SENP6: variants seen among roughly 807,000 people sequenced by gnomAD.
SENP6 encodes SUMO specific peptidase 6.
Under a neutral mutation model 134.5 loss-of-function variants are expected in SENP6, and 41 were observed. That is an observed-to-expected ratio of 0.30 (90% CI 0.24 to 0.40). The LOEUF (loss-of-function observed/expected upper bound fraction) is 0.40, where lower values mean the gene tolerates loss of function less well. Ranked by LOEUF, SENP6 falls within the 10% of genes least tolerant of loss-of-function variation. SENP6 has a pLI of 1.00. For missense variants in SENP6, 1,248 were observed against 1,312.5 expected (o/e 0.95, Z 0.76); for synonymous variants, 395 against 429.8 (o/e 0.92, Z 1.00).
intron 6 of SENP6, among the ~76,000 whole-genome samples, chr6:75,646,068 T>G (rs1770413634): frequency 1.3e-5 from 2 of 152,232 alleles, no homozygotes; most frequent in Non-Finnish European, 2.9e-5. Flanking sequence ...CTCAGATGAT[T>G]TATGTCAATT....
chr6:75,646,535 A>G (rs1770452570), intron 6 of SENP6: 1 of 152,210 alleles, frequency 6.6e-6, no homozygotes, highest in Admixed American at 6.5e-5. Context: ...TCTGACTGCT[A>G]TTATAAGTAC....
intron 3 of SENP6, among the ~76,000 whole-genome samples, chr6:75,626,865 G>A (rs1768733626): frequency 6.6e-6 from 1 of 152,032 alleles, no homozygotes; most frequent in Non-Finnish European, 1.5e-5. Flanking sequence ...TACAGTGTAA[G>A]AATTTAAACA....
At chr6:75,645,011 A>T (rs979212846) in intron 6 of SENP6, among the ~76,000 whole-genome samples, 3 of 152,248 alleles carry the variant, frequency 2.0e-5, no homozygotes, top group Admixed American at 6.5e-5. Context: ...TGAACAGAGC[A>T]TTCTGATGTT....
chr6:75,693,628 T>TGGC (rs1056877527), intron 16 of SENP6, among the ~76,000 whole-genome samples: 4 of 152,192 alleles, frequency 2.6e-5, no homozygotes, highest in African/African-American at 9.7e-5. Flanking sequence ...CTGAGTTGCC[T>TGGC]GAAAGCAAGA....
In SENP6 at chr6:75,602,504, A is replaced by T. The variant is rs1239288093; in HGVS notation, c.-21A>T. On this transcript the variant is annotated 5_prime_UTR_variant, in exon 1 of 24. Coordinates refer to ENST00000447266, the MANE Select transcript of SENP6 (RefSeq NM_015571.4). ...CGGTGTGGGCCATGGATTAAGAAGG[A>T]GGCGGCGTGGGAGGAGGAAGATGGC... The T allele has an allele frequency of 6.4e-7, 1 of 1,550,976 alleles. No individual in the cohort carries two copies.
chr6:75,640,899 G>A (rs1328194066), intron 6 of SENP6, among the ~76,000 whole-genome samples, 195 bp downstream of exon 6: 1 of 152,082 alleles, frequency 6.6e-6, no homozygotes, highest in Non-Finnish European at 1.5e-5. Flanking sequence ...TATACAATGT[G>A]TATGATCAGA....
At chr6:75,632,327 G>A (rs1279095526) in intron 3 of SENP6, among the ~76,000 whole-genome samples, 1 of 152,096 alleles carries the variant, frequency 6.6e-6, no homozygotes, top group African/African-American at 2.4e-5. Context: ...CGATAAAGGG[G>A]GACTACTATG....
In SENP6 at chr6:75,674,656, A is replaced by T. The variant is rs139931880; in HGVS notation, c.1393-779A>T. Among the ~76,000 whole-genome samples, 231 of 152,318 alleles carry T rather than the reference A, an allele frequency of 1.5e-3. 1 individual carries two copies. The highest frequency in any genetic ancestry group is 6.8e-3 in the Middle Eastern group (2 of 294). On this transcript the variant is annotated intron_variant, in intron 11 of 23. Transcript: ENST00000447266. Reference sequence around the variant, plus strand: ...CAAATAATTTGTTATTTCCCAGAGAAACCAGTTAACACATTCCTTTCAGAT... The same window carrying T: ...CAAATAATTTGTTATTTCCCAGAGATACCAGTTAACACATTCCTTTCAGAT...
In SENP6 at chr6:75,715,578, A is replaced by C. The variant is rs963354604; in HGVS notation, c.3323A>C (p.Asn1108Thr). Reference protein sequence around the residue: ...PLGEGTEQYVNSISD With the variant: ...PLGEGTEQYVTSISD ...GGCGAAGGAACAGAACAATATGTCA[A>C]TAGTATCTCAGATTGACCATTTCTG... The change falls in exon 24 of 24, where the codon AAT becomes ACT. Residue 1108 changes from asparagine to threonine, a missense_variant. By Grantham distance (65) the Asn-to-Thr change is moderately conservative (BLOSUM62 0). Transcript: ENST00000447266. 5.6e-6 allele frequency: 9 copies of C among 1,609,160 alleles called. No homozygotes were observed. Among genetic ancestry groups the C allele is most frequent in the African/African-American group, 1.3e-5 (1 of 74,694 alleles).
chr6:75,621,599 A>C lies in SENP6; in HGVS notation c.120A>C (p.Glu40Asp). The stretch of plus-strand genomic sequence containing the variant: ...ATAATTGGAGCTTTGATCATGAAGA[A>C]GAAAGTGAAGGAGATACAGATAAAG... ...FKNNWSFDHE[E>D]ESEGDTDKDG... The change falls in exon 2 of 24, where the codon GAA becomes GAC. Residue 40 changes from glutamate to aspartate, a missense_variant. By Grantham distance (45) the Glu-to-Asp change is conservative. This residue lies in a region of SENP6 where 733 missense variants were observed against 725.4 expected (regional missense o/e 1.01). Coordinates refer to ENST00000447266, the MANE Select transcript of SENP6 (RefSeq NM_015571.4). 1 of 1,609,292 alleles carries C rather than the reference A, an allele frequency of 6.2e-7. No individual in the cohort carries two copies. The highest frequency in any genetic ancestry group is 1.7e-4 in the Middle Eastern group (1 of 6,034).
intron 7 of SENP6, among the ~76,000 whole-genome samples, chr6:75,650,357 A>C (rs1043217031): frequency 4.6e-5 from 7 of 152,186 alleles, no homozygotes; most frequent in African/African-American, 1.7e-4. Flanking sequence ...TAAAGATTTT[A>C]GAAGAGATAT....
intron 16 of SENP6, chr6:75,679,333 G>T: frequency 6.1e-6 from 1 of 164,344 alleles, no homozygotes; most frequent in Non-Finnish European, 1.3e-5. Context: ...CTGAGCCCAT[G>T]AGTTCGAAGT....
chr6:75,710,720 T>TATTC (rs1775700559), intron 20 of SENP6, among the ~76,000 whole-genome samples: 1 of 152,204 alleles, frequency 6.6e-6, no homozygotes, highest in South Asian at 2.1e-4. Context: ...TACTATTGAT[T>TATTC]ATTCCATTCG....
intron 13 of SENP6, 102 bp downstream of exon 13, chr6:75,676,156 T>G: frequency 1.5e-6 from 1 of 666,432 alleles, no homozygotes; most frequent in Non-Finnish European, 2.3e-6. Context: ...ATGCCTTAGG[T>G]GTATATTATC....
chr6:75,647,324 T>C (rs901906894), intron 6 of SENP6: 1 of 156,288 alleles, frequency 6.4e-6, no homozygotes, highest in Non-Finnish European at 1.4e-5. Flanking sequence ...TCCTTGATAT[T>C]GTGTGTATTT....
At chr6:75,649,931 G>C (rs1184374496) in intron 7 of SENP6, among the ~76,000 whole-genome samples, 1 of 152,018 alleles carries the variant, frequency 6.6e-6, no homozygotes, top group Admixed American at 6.5e-5. Flanking sequence ...TATAATCCTC[G>C]TACACTTAGC....
At chr6:75,607,543 T>C (rs1262888832) in intron 1 of SENP6, among the ~76,000 whole-genome samples, 4 of 151,956 alleles carry the variant, frequency 2.6e-5, no homozygotes, top group Non-Finnish European at 5.9e-5. Context: ...CTAGTTTTCT[T>C]TTCCTTTTTT....
chr6:75,647,643 A>G (rs1770557557), intron 6 of SENP6, 88 bp from the exon 7 acceptor site: 1 of 760,930 alleles, frequency 1.3e-6, no homozygotes, highest in Non-Finnish European at 2.2e-6. Context: ...TTTGCTTTTA[A>G]TAGGCTTATT....
intron 3 of SENP6, among the ~76,000 whole-genome samples, chr6:75,628,167 T>C (rs1259269601): frequency 1.3e-5 from 2 of 152,194 alleles, no homozygotes; most frequent in African/African-American, 4.8e-5. Flanking sequence ...AGAAATTTTA[T>C]ATTGTGCCTT....
Sources: gnomAD v4.1 joint callset for allele counts (sites outside exome capture counted in the v4.1 genomes callset) on GRCh38, gnomAD v4.1.1 for gene constraint, gnomAD v4.1.1 regional missense constraint, MANE v1.5 for transcripts, NCBI Gene and HGNC (gene_info 2026-07-23, HGNC 2026-07-21) for gene names.